Variants in SULT4A1 observed in about 807,000 individuals in gnomAD.
The protein encoded by SULT4A1 is sulfotransferase family 4A member 1.
A neutral mutation model predicts 35.2 loss-of-function variants in SULT4A1; 11 were observed. The ratio of observed to expected loss-of-function variants is 0.31; its 90% confidence interval spans 0.20 to 0.52. The LOEUF (loss-of-function observed/expected upper bound fraction) is 0.52, where lower values mean the gene tolerates loss of function less well. Among genes scored for constraint, SULT4A1 ranks in the 20% least tolerant of loss-of-function variants. The pLI is 0.97. For missense variants in SULT4A1, 271 were observed against 383.7 expected, an observed-to-expected ratio of 0.71 and a Z score of 2.45; for synonymous variants, 152 against 151.8, an observed-to-expected ratio of 1.00 and a Z score of -0.01.
intron 1 of SULT4A1, among the ~76,000 whole-genome samples, chr22:43,855,081 TC>T (rs1161204139): frequency 1.3e-5 from 2 of 152,050 alleles, no homozygotes; most frequent in African/African-American, 4.8e-5. Flanking sequence ...CAGAGCACCC[TC>T]CAGGCATCAG....
At chr22:43,828,118 C>G (rs1033719601) in intron 6 of SULT4A1, among the ~76,000 whole-genome samples, 4 of 152,238 alleles carry the variant, frequency 2.6e-5, no homozygotes, top group Admixed American at 6.5e-5. Flanking sequence ...CCCAGCGCGT[C>G]TCTCATCCGC....
intron 5 of SULT4A1, among the ~76,000 whole-genome samples, chr22:43,833,141 G>A (rs941018396): frequency 5.3e-5 from 8 of 151,856 alleles, no homozygotes; most frequent in African/African-American, 2.4e-5. Flanking sequence ...CTCTGCCTAG[G>A]CTCCAGCCCC....
At position 43,830,294 on chromosome 22, in the gene SULT4A1, G is replaced by A. The variant is rs569655897; in HGVS notation, c.604-1096C>T. Among the ~76,000 whole-genome samples, 23 of 152,322 alleles carry A rather than the reference G, an allele frequency of 1.5e-4. No homozygotes were observed. The South Asian group carries it at 4.6e-3, about 30-fold the overall frequency. On this transcript the variant is annotated intron_variant, in intron 5 of 6. Transcript: ENST00000330884. ...AAAGAGTGAAGAAACCTGGCTCTCAGAAGAGATGCCGCAAGAAGGACACAG... is the reference window on the plus strand; with the variant it reads ...AAAGAGTGAAGAAACCTGGCTCTCAAAAGAGATGCCGCAAGAAGGACACAG...
chr22:43,854,011 A>AGGCTC (rs1422454187), intron 1 of SULT4A1, among the ~76,000 whole-genome samples: 1 of 152,228 alleles, frequency 6.6e-6, no homozygotes, highest in Non-Finnish European at 1.5e-5. Flanking sequence ...TGGGGAAAGG[A>AGGCTC]GGCTCTGGTG....
rs1461284845 is a variant in SULT4A1, at chr22:43,836,615, C to A, written c.508+2252G>T. On this transcript the variant is annotated intron_variant, in intron 4 of 6. Coordinates refer to ENST00000330884, the MANE Select transcript of SULT4A1 (RefSeq NM_014351.4). ...GGACCCTGTCTACACAGCGTCCTCA[C>A]ACTGCAGGTGCCACAGGGATCCTGT... Among the ~76,000 whole-genome samples the A allele has an allele frequency of 1.1e-3, 148 of 131,204 alleles. 1 individual carries two copies. The highest frequency in any genetic ancestry group is 2.1e-3 in the South Asian group (8 of 3,790). 86.1% of individuals were successfully genotyped at this position (131,204 alleles called of 152,430 possible). A position where few individuals can be genotyped will look rare whatever the true frequency, so the allele number is the denominator to read the frequency against.
chr22:43,853,150 CACAA>C (rs985828099), intron 1 of SULT4A1, among the ~76,000 whole-genome samples: 4 of 151,880 alleles, frequency 2.6e-5, no homozygotes, highest in Non-Finnish European at 4.4e-5. Context: ...TCACTCCACA[CACAA>C]ACACACAACA....
chr22:43,861,244 A>C (rs1212280547), intron 1 of SULT4A1, among the ~76,000 whole-genome samples: 1 of 152,186 alleles, frequency 6.6e-6, no homozygotes, highest in African/African-American at 2.4e-5. Context: ...ACAACAGCCA[A>C]GCCTACAGCT....
intron 1 of SULT4A1, among the ~76,000 whole-genome samples, chr22:43,845,089 A>G (rs1448874463): frequency 6.6e-6 from 1 of 152,152 alleles, no homozygotes; most frequent in Non-Finnish European, 1.5e-5. Flanking sequence ...CCAGGTCCCC[A>G]GTGATTCTCA....
chr22:43,841,995 C>T (rs534745072), intron 1 of SULT4A1, 63 bp from the exon 2 acceptor site: 76 of 1,561,544 alleles, frequency 4.9e-5, no homozygotes, highest in East Asian at 6.9e-5. Flanking sequence ...GCCCTGTGCT[C>T]GGGTCAACAC....
At chr22:43,833,399 C>T (rs1050885484) in intron 5 of SULT4A1, among the ~76,000 whole-genome samples, 9 of 152,048 alleles carry the variant, frequency 5.9e-5, no homozygotes, top group Non-Finnish European at 1.2e-4. Flanking sequence ...TCCCCACACC[C>T]GCCTTCCTGG....
chr22:43,834,185 T>C (rs2148281198), intron 4 of SULT4A1, among the ~76,000 whole-genome samples: 1 of 152,224 alleles, frequency 6.6e-6, no homozygotes, highest in East Asian at 1.9e-4. Flanking sequence ...GGCAGTAGCC[T>C]CAGTAAATCG....
chr22:43,845,900 C>T (rs1383434627), intron 1 of SULT4A1, among the ~76,000 whole-genome samples: 1 of 152,206 alleles, frequency 6.6e-6, no homozygotes, highest in African/African-American at 2.4e-5. Flanking sequence ...AAACCATCCC[C>T]ATCACCCACC....
intron 3 of SULT4A1, among the ~76,000 whole-genome samples, chr22:43,839,385 G>A (rs2063406208): frequency 1.3e-5 from 2 of 152,216 alleles, no homozygotes; most frequent in Admixed American, 6.5e-5. Context: ...CCTGAGGTCA[G>A]TAGTTCAAGA....
At chr22:43,831,066 C>A (rs972222042) in intron 5 of SULT4A1, among the ~76,000 whole-genome samples, 2 of 152,190 alleles carry the variant, frequency 1.3e-5, no homozygotes, top group Non-Finnish European at 2.9e-5. Flanking sequence ...AAAATGAAGT[C>A]CCAGCACTGA....
chr22:43,854,022 T>A (rs1362046618), intron 1 of SULT4A1, among the ~76,000 whole-genome samples: 1 of 152,228 alleles, frequency 6.6e-6, no homozygotes, highest in Non-Finnish European at 1.5e-5. Context: ...GGCTCTGGTG[T>A]GCGGCATTAA....
At chr22:43,831,214 G>A (rs1249230960) in intron 5 of SULT4A1, among the ~76,000 whole-genome samples, 3 of 151,258 alleles carry the variant, frequency 2.0e-5, no homozygotes, top group Admixed American at 6.6e-5. Context: ...TTGGAGTAAA[G>A]TGTGTGTTTG....
rs2063281438 is a variant in SULT4A1 at position 43,825,609 on chromosome 22, G to C, written c.*392C>G. The C allele has an allele frequency of 6.2e-6, 1 of 161,918 alleles. No homozygotes were observed. The highest frequency in any genetic ancestry group is 1.3e-5 in the Non-Finnish European group (1 of 74,872). The allele number at this position is 161,918 out of a possible 1,614,324, so 10.0% of individuals were successfully genotyped here. ...TACCATTCGGGTGTGGCTCGCTCCT[G>C]ATTCCCCTTGGAAATGAACTTTTAT... On this transcript the variant is annotated 3_prime_UTR_variant, in exon 7 of 7. Coordinates refer to ENST00000330884, the MANE Select transcript of SULT4A1 (RefSeq NM_014351.4).
At chr22:43,860,148 G>C in intron 1 of SULT4A1, among the ~76,000 whole-genome samples, 1 of 152,186 alleles carries the variant, frequency 6.6e-6, no homozygotes, top group East Asian at 1.9e-4. Context: ...CTGACCACCT[G>C]CAAGTTCATT....
intron 4 of SULT4A1, among the ~76,000 whole-genome samples, chr22:43,837,713 G>C (rs2063388440): frequency 6.6e-6 from 1 of 152,186 alleles, no homozygotes; most frequent in South Asian, 2.1e-4. Context: ...AACAGAGTCA[G>C]CCTGTGGCGC....
Sources: gnomAD v4.1 joint callset for allele counts (sites outside exome capture counted in the v4.1 genomes callset) on GRCh38, gnomAD v4.1.1 for gene constraint, MANE v1.5 for transcripts, NCBI Gene and HGNC (gene_info 2026-07-23, HGNC 2026-07-21) for gene names.